Variants in SEMA3D observed in about 807,000 individuals in gnomAD.
SEMA3D encodes the protein semaphorin-3D.
A neutral mutation model predicts 100.1 loss-of-function variants in SEMA3D; 84 were observed. The observed-to-expected ratio is 0.84, with a 90% CI of 0.70 to 1.01. The LOEUF (loss-of-function observed/expected upper bound fraction) is 1.01, where lower values mean the gene tolerates loss of function less well. Ranked by LOEUF, SEMA3D falls within the 50% of genes least tolerant of loss-of-function variation. The pLI is 0.00. For missense variants in SEMA3D, 875 were observed against 934.1 expected, an observed-to-expected ratio of 0.94 and a Z score of 0.82; for synonymous variants, 312 against 320.7, an observed-to-expected ratio of 0.97 and a Z score of 0.29.
At chr7:85,033,152 T>C (rs1013489523) in intron 12 of SEMA3D, among the ~76,000 whole-genome samples, 1 of 152,188 alleles carries the variant, frequency 6.6e-6, no homozygotes, top group African/African-American at 2.4e-5. Context: ...ATGGTTTAGA[T>C]GCAGGCTATT....
At position 85,126,404 on chromosome 7, in the gene SEMA3D, C is replaced by CGTGTGT. The variant is rs374819280; in HGVS notation, c.-40-4479_-40-4474dup. ...TGTGTGTGTGTGTGTGTGTGTGTGTCGTGTGTGTGTGTGTGTGTGTGTGTG... is the reference window on the plus strand; with the variant it reads ...TGTGTGTGTGTGTGTGTGTGTGTGTCGTGTGTGTGTGTGTGTGTGTGTGTGTGTGTG... On this transcript the variant is annotated intron_variant, in intron 2 of 18. Coordinates refer to ENST00000284136, the MANE Select transcript of SEMA3D (RefSeq NM_001384900.1). Among the ~76,000 whole-genome samples the CGTGTGT allele has an allele frequency of 1.6e-4, 22 of 134,164 alleles. 1 individual carries two copies. The highest frequency in any genetic ancestry group is 5.6e-4 in the African/African-American group (21 of 37,712). The allele number at this position is 134,164 out of a possible 152,430, so 88.0% of individuals were successfully genotyped here.
At chr7:85,193,611 A>C in the SEMA3D span, among the ~76,000 whole-genome samples, 1 of 152,008 alleles carries the variant, frequency 6.6e-6, no homozygotes, top group South Asian at 2.1e-4. Flanking sequence ...AAAATATTCA[A>C]CTCCAGCCCT....
intron 9 of SEMA3D, among the ~76,000 whole-genome samples, chr7:85,053,656 G>T (rs1174121169): frequency 6.6e-6 from 1 of 152,004 alleles, no homozygotes; most frequent in Admixed American, 6.6e-5. Flanking sequence ...TGGGCAGCAT[G>T]TGATGCAACT....
chr7:85,193,090 A>G, the SEMA3D span, among the ~76,000 whole-genome samples: 29 of 152,314 alleles, frequency 1.9e-4, no homozygotes, highest in Non-Finnish European at 3.7e-4. Context: ...ACTGAACAAA[A>G]TGATGAATCA....
chr7:85,215,052 A>T, the SEMA3D span, among the ~76,000 whole-genome samples: 1 of 151,834 alleles, frequency 6.6e-6, no homozygotes, highest in South Asian at 2.1e-4. Context: ...CTTGTATTAT[A>T]AAATTTAGGA....
intron 1 of SEMA3D, among the ~76,000 whole-genome samples, chr7:85,165,996 G>T (rs1291968476): frequency 6.6e-6 from 1 of 152,040 alleles, no homozygotes; most frequent in African/African-American, 2.4e-5. Context: ...ATATGTACCT[G>T]AGTATATAAT....
chr7:85,046,877 G>A lies in SEMA3D; in HGVS notation c.862-4592C>T, dbSNP rs564345325. The stretch of plus-strand genomic sequence containing the variant: ...GTTCTAAAGAATATAACCATCTCAC[G>A]AACACAATAGATTTATCATTAAGAT... On this transcript the variant is annotated intron_variant, in intron 9 of 18. Transcript: ENST00000284136. 2.6e-5 allele frequency among the ~76,000 whole-genome samples: 4 copies of A among 151,896 alleles called. No individual in the cohort carries two copies. The East Asian group carries it at 5.8e-4, about 22-fold the overall frequency.
At position 85,082,214 on chromosome 7, in the gene SEMA3D, ACTTATG is replaced by A. The variant is rs1788084541; in HGVS notation, c.313-641_313-636del. On this transcript the variant is annotated intron_variant, in intron 4 of 18. Coordinates refer to ENST00000284136, the MANE Select transcript of SEMA3D (RefSeq NM_001384900.1). ...TAAATAACGTGTTGAGGACCACAAA[ACTTATG>A]GCAGAGCCACAGTCTGACTCAAAGT... is the stretch of plus-strand genomic sequence containing the variant. 2.0e-5 allele frequency among the ~76,000 whole-genome samples: 3 copies of A among 152,258 alleles called. No homozygotes were observed. The South Asian group carries it at 6.2e-4, about 32-fold the overall frequency.
At chr7:85,148,390 G>A (rs1790275315) in intron 2 of SEMA3D, among the ~76,000 whole-genome samples, 2 of 152,136 alleles carry the variant, frequency 1.3e-5, no homozygotes, top group African/African-American at 2.4e-5. Flanking sequence ...TACTAAGCAG[G>A]AAATGGTTAA....
chr7:85,188,972 A>G (rs1264284774), upstream of SEMA3D, among the ~76,000 whole-genome samples: 1 of 152,174 alleles, frequency 6.6e-6, no homozygotes, highest in African/African-American at 2.4e-5. Flanking sequence ...TTCAGCCTCT[A>G]ATACAATGCC....
chr7:85,174,854 G>C (rs1791183895), intron 1 of SEMA3D, among the ~76,000 whole-genome samples: 1 of 152,174 alleles, frequency 6.6e-6, no homozygotes, highest in African/African-American at 2.4e-5. Flanking sequence ...TAGGGAAAGA[G>C]CACAGCAAAA....
At chr7:85,235,942 A>G in the SEMA3D span, among the ~76,000 whole-genome samples, 1 of 152,146 alleles carries the variant, frequency 6.6e-6, no homozygotes, top group Non-Finnish European at 1.5e-5. Flanking sequence ...AAAAATAACA[A>G]TTTCTCTTTA....
the SEMA3D span, among the ~76,000 whole-genome samples, chr7:85,231,675 C>T: frequency 2.0e-5 from 3 of 152,108 alleles, no homozygotes; most frequent in African/African-American, 4.8e-5. Context: ...TGGTCTCGAT[C>T]TCCTGACTTT....
At chr7:85,027,852 A>G (rs1047417704) in intron 12 of SEMA3D, 3 of 542,560 alleles carry the variant, frequency 5.5e-6, no homozygotes, top group Non-Finnish European at 1.1e-5. Context: ...TGCAATTGGT[A>G]TTGATCTTGG....
chr7:85,165,697 T>A (rs1204270881), intron 1 of SEMA3D, among the ~76,000 whole-genome samples: 1 of 152,118 alleles, frequency 6.6e-6, no homozygotes, highest in African/African-American at 2.4e-5. Context: ...ACAATATATT[T>A]CTTTAAAACC....
chr7:85,126,440 G>C (rs1002231043), intron 2 of SEMA3D, among the ~76,000 whole-genome samples: 2 of 138,106 alleles, frequency 1.4e-5, no homozygotes, highest in South Asian at 2.4e-4. Flanking sequence ...TGTGTGTGTA[G>C]GTTGGGGAAG....
intron 17 of SEMA3D, among the ~76,000 whole-genome samples, chr7:85,008,190 G>A (rs1227986910): frequency 6.6e-6 from 1 of 151,746 alleles, no homozygotes; most frequent in African/African-American, 2.4e-5. Context: ...CCTGAGAAAG[G>A]GATTTTGTCA....
chr7:85,017,077 AC>A (rs1790125243), intron 15 of SEMA3D, among the ~76,000 whole-genome samples: 4 of 151,728 alleles, frequency 2.6e-5, no homozygotes, highest in Admixed American at 2.6e-4. Context: ...CTAATTGTAC[AC>A]AAACTTATTA....
chr7:85,037,951 C>T (rs1790747087), intron 11 of SEMA3D, among the ~76,000 whole-genome samples: 3 of 147,054 alleles, frequency 2.0e-5, no homozygotes, highest in Admixed American at 7.1e-5. Flanking sequence ...TGAGAACATG[C>T]GGTATTTGGT....
Sources: allele counts gnomAD v4.1 joint callset (sites outside exome capture counted in the v4.1 genomes callset), GRCh38; gene constraint gnomAD v4.1.1; transcripts MANE v1.5; gene names NCBI Gene and HGNC (gene_info 2026-07-23, HGNC 2026-07-21).